PCSK2: variants seen among roughly 807,000 people sequenced by gnomAD.
PCSK2 encodes proprotein convertase subtilisin/kexin type 2, also known as neuroendocrine convertase 2.
In PCSK2, 14 loss-of-function variants were observed where a neutral mutation model predicts 69.7. That is an observed-to-expected ratio of 0.20 (90% CI 0.13 to 0.31). The LOEUF (loss-of-function observed/expected upper bound fraction) is 0.31, where lower values mean the gene tolerates loss of function less well. Ranked by LOEUF, PCSK2 falls within the 10% of genes least tolerant of loss-of-function variation. The probability of loss-of-function intolerance (pLI) is 1.00; values close to 1 mark genes in which losing one functional copy is unlikely to be tolerated. For synonymous variants in PCSK2, 307 were observed against 320.7 expected (o/e 0.96, Z 0.46); for missense variants, 544 against 842.5 (o/e 0.65, Z 4.39).
chr20:17,257,548 C>T (rs1308990389), intron 1 of PCSK2, among the ~76,000 whole-genome samples: 1 of 152,166 alleles, frequency 6.6e-6, no homozygotes, highest in South Asian at 2.1e-4. Context: ...CTATAATGTG[C>T]CATTGAATCT....
At chr20:17,316,684 T>C (rs1989699701) in intron 2 of PCSK2, among the ~76,000 whole-genome samples, 1 of 152,228 alleles carries the variant, frequency 6.6e-6, no homozygotes, top group Admixed American at 6.5e-5. Context: ...CATCAATTTG[T>C]GCTTGATCAT....
At chr20:17,299,642 C>T (rs1989010962) in intron 2 of PCSK2, among the ~76,000 whole-genome samples, 1 of 151,472 alleles carries the variant, frequency 6.6e-6, no homozygotes, top group Non-Finnish European at 1.5e-5. Flanking sequence ...TTTCTCTTTT[C>T]TTCTACAATT....
intron 8 of PCSK2, among the ~76,000 whole-genome samples, chr20:17,440,152 G>A (rs1298551425): frequency 6.6e-6 from 1 of 152,216 alleles, no homozygotes; most frequent in Non-Finnish European, 1.5e-5. Context: ...ACTAGTCGAT[G>A]TCTCCATTCC....
At position 17,378,007 on chromosome 20, in the gene PCSK2, C is replaced by T. The variant is rs1051430402; in HGVS notation, c.543+8730C>T. 3.9e-5 allele frequency among the ~76,000 whole-genome samples: 6 copies of T among 152,068 alleles called. No homozygotes were observed. The East Asian group carries it at 7.7e-4, about 19-fold the overall frequency. ...GAACTTAGTCAGCATTCAAGAAAGC[C>T]GTATTGTTCCCACTGTGCAAAATGC... On this transcript the variant is annotated intron_variant, in intron 5 of 11. Coordinates refer to ENST00000262545, the MANE Select transcript of PCSK2 (RefSeq NM_002594.5).
intron 4 of PCSK2, among the ~76,000 whole-genome samples, chr20:17,367,524 T>C (rs975652645): frequency 6.6e-6 from 1 of 152,240 alleles, no homozygotes; most frequent in African/African-American, 2.4e-5. Context: ...TTTCAAAGCC[T>C]ATGCTCATCC....
intron 2 of PCSK2, among the ~76,000 whole-genome samples, chr20:17,311,207 A>G (rs143948496): frequency 1.2e-3 from 178 of 152,202 alleles, no homozygotes; most frequent in African/African-American, 3.9e-3. Flanking sequence ...TTATAAGAAA[A>G]AATGTTAGTT....
chr20:17,289,812 A>G (rs1988637962), intron 2 of PCSK2, among the ~76,000 whole-genome samples: 1 of 152,200 alleles, frequency 6.6e-6, no homozygotes, highest in African/African-American at 2.4e-5. Context: ...TTGTATGGTT[A>G]TAGCATCATT....
At chr20:17,372,385 TAATA>T (rs58399065) in intron 5 of PCSK2, among the ~76,000 whole-genome samples, 36,512 of 141,640 alleles carry the variant, frequency 0.26, 4,893 homozygotes, top group East Asian at 0.39. Context: ...TCTTGAAAAA[TAATA>T]AATAAATAAA....
chr20:17,434,010 C>T (rs969054251), intron 7 of PCSK2, among the ~76,000 whole-genome samples: 37 of 141,596 alleles, frequency 2.6e-4, no homozygotes, highest in Admixed American at 2.8e-4. Flanking sequence ...CTCCCTCTCT[C>T]TCTACCTTCT....
chr20:17,448,851 T>C (rs1292558948), intron 8 of PCSK2, among the ~76,000 whole-genome samples: 3 of 151,234 alleles, frequency 2.0e-5, no homozygotes. Flanking sequence ...GAATTCAAAG[T>C]GGAGTTGCAC....
At chr20:17,283,808 C>A (rs2123051254) in intron 2 of PCSK2, among the ~76,000 whole-genome samples, 1 of 152,290 alleles carries the variant, frequency 6.6e-6, no homozygotes, top group Admixed American at 6.5e-5. Context: ...CCCTACCTAC[C>A]TAAATCCAGC....
At chr20:17,284,959 A>G (rs1988461328) in intron 2 of PCSK2, among the ~76,000 whole-genome samples, 1 of 152,208 alleles carries the variant, frequency 6.6e-6, no homozygotes, top group Non-Finnish European at 1.5e-5. Context: ...GCTGGAATTC[A>G]GGATCTGGAA....
chr20:17,397,486 A>T (rs899350267), intron 5 of PCSK2, among the ~76,000 whole-genome samples: 16 of 148,052 alleles, frequency 1.1e-4, no homozygotes, highest in East Asian at 5.9e-4. Flanking sequence ...AATTCAATAT[A>T]TTTTTTTTTT....
intron 11 of PCSK2, among the ~76,000 whole-genome samples, chr20:17,473,735 G>A (rs2033243950): frequency 6.6e-6 from 1 of 152,160 alleles, no homozygotes; most frequent in South Asian, 2.1e-4. Flanking sequence ...CACGATGCCA[G>A]CCAAAAAAAC....
chr20:17,278,607 T>C (rs1414325274), intron 2 of PCSK2, among the ~76,000 whole-genome samples: 1 of 152,078 alleles, frequency 6.6e-6, no homozygotes, highest in East Asian at 1.9e-4. Flanking sequence ...CATTAGGAGA[T>C]ATACCTAATG....
chr20:17,228,808 T>A (rs1411186155), intron 1 of PCSK2, among the ~76,000 whole-genome samples: 1 of 151,952 alleles, frequency 6.6e-6, no homozygotes, highest in Non-Finnish European at 1.5e-5. Context: ...CCCAGAAGGG[T>A]CTGGCGACGA....
intron 1 of PCSK2, among the ~76,000 whole-genome samples, chr20:17,230,532 T>C (rs1986107488): frequency 6.6e-6 from 1 of 152,248 alleles, no homozygotes; most frequent in African/African-American, 2.4e-5. Context: ...AAGCCTTCCC[T>C]GACTGCCAAG....
chr20:17,482,264 A>G lies in PCSK2; in HGVS notation c.*194A>G, dbSNP rs1600617130. On this transcript the variant is annotated 3_prime_UTR_variant, in exon 12 of 12. Coordinates refer to ENST00000262545, the MANE Select transcript of PCSK2 (RefSeq NM_002594.5). The stretch of plus-strand genomic sequence containing the variant: ...ATCTTTTTTACTCTATGCCCCAAAT[A>G]TAGCGTTCCCAACAACATCCATGTC... 2.3e-5 allele frequency: 10 copies of G among 442,148 alleles called. No homozygotes were observed. In the East Asian group the frequency reaches 3.5e-4, roughly 16 times the overall value. 27.4% of individuals were successfully genotyped at this position (442,148 alleles called of 1,614,324 possible). A position where few individuals can be genotyped will look rare whatever the true frequency, so the allele number is the denominator to read the frequency against.
intron 7 of PCSK2, among the ~76,000 whole-genome samples, chr20:17,436,005 CTT>C (rs1431676255): frequency 6.6e-6 from 1 of 152,226 alleles, no homozygotes; most frequent in Non-Finnish European, 1.5e-5. Flanking sequence ...GACTGCAGGA[CTT>C]TGCTCCTTCC....
Sources: allele counts gnomAD v4.1 joint callset (sites outside exome capture counted in the v4.1 genomes callset), GRCh38; gene constraint gnomAD v4.1.1; transcripts MANE v1.5; gene names NCBI Gene and HGNC (gene_info 2026-07-23, HGNC 2026-07-21).